The following SLC35F1 variants were observed in gnomAD, a reference collection of about 807,000 sequenced individuals.
SLC35F1 encodes chromosome 6 open reading frame 169.
A neutral mutation model predicts 48.7 loss-of-function variants in SLC35F1; 14 were observed. The observed-to-expected ratio is 0.29, with a 90% CI of 0.19 to 0.45. SLC35F1 has a LOEUF of 0.45. Among genes scored for constraint, SLC35F1 ranks in the 20% least tolerant of loss-of-function variants. SLC35F1 has a pLI of 1.00. For missense variants in SLC35F1, 404 were observed against 500.0 expected (o/e 0.81, Z 1.83); for synonymous variants, 190 against 202.2 (o/e 0.94, Z 0.51).
intron 1 of SLC35F1, among the ~76,000 whole-genome samples, chr6:118,093,046 G>A (rs1028073688): frequency 4.6e-4 from 70 of 152,222 alleles, no homozygotes; most frequent in African/African-American, 1.4e-3. Context: ...GGCCAGGCAC[G>A]GTGGCTCATG....
chr6:118,148,208 C>A (rs998753578), intron 1 of SLC35F1, among the ~76,000 whole-genome samples: 1 of 152,072 alleles, frequency 6.6e-6, no homozygotes, highest in Non-Finnish European at 1.5e-5. Flanking sequence ...ATGAAGATGT[C>A]GCCACAGAAA....
At chr6:118,046,329 A>G (rs976112578) in intron 1 of SLC35F1, among the ~76,000 whole-genome samples, 1 of 152,202 alleles carries the variant, frequency 6.6e-6, no homozygotes. Flanking sequence ...CCATAAAGCC[A>G]GTATCAGTTC....
At chr6:118,004,199 T>C (rs981965544) in intron 1 of SLC35F1, among the ~76,000 whole-genome samples, 4 of 152,234 alleles carry the variant, frequency 2.6e-5, no homozygotes, top group African/African-American at 9.6e-5. Flanking sequence ...AAGTTGATGA[T>C]TGCACAGGAT....
intron 2 of SLC35F1, among the ~76,000 whole-genome samples, chr6:118,163,849 C>A (rs1201585889): frequency 8.5e-5 from 13 of 152,208 alleles, no homozygotes; most frequent in Admixed American, 8.5e-4. Context: ...AATGGAAGAA[C>A]AAAGCAGTCC....
At chr6:118,141,494 A>G (rs1385662748) in intron 1 of SLC35F1, among the ~76,000 whole-genome samples, 2 of 152,178 alleles carry the variant, frequency 1.3e-5, no homozygotes, top group Non-Finnish European at 2.9e-5. Flanking sequence ...AAACAACAGA[A>G]ACCTATTTCT....
intron 7 of SLC35F1, among the ~76,000 whole-genome samples, chr6:118,306,017 C>A (rs1255867326): frequency 1.3e-5 from 2 of 152,106 alleles, no homozygotes; most frequent in African/African-American, 2.4e-5. Context: ...TAAGAGATGC[C>A]CTAAAGGACC....
chr6:117,944,621 A>ACACG (rs1315994770), intron 1 of SLC35F1, among the ~76,000 whole-genome samples: 1 of 151,796 alleles, frequency 6.6e-6, no homozygotes, highest in Admixed American at 6.6e-5. Flanking sequence ...ACACACACAC[A>ACACG]CAGAATATAT....
chr6:118,301,717 G>A (rs1044029245), intron 7 of SLC35F1, among the ~76,000 whole-genome samples: 1 of 152,192 alleles, frequency 6.6e-6, no homozygotes, highest in Non-Finnish European at 1.5e-5. Context: ...TTTCCATGAA[G>A]GGGCAGATTA....
At chr6:118,167,958 C>G (rs1391379149) in intron 2 of SLC35F1, among the ~76,000 whole-genome samples, 1 of 152,170 alleles carries the variant, frequency 6.6e-6, no homozygotes, top group Non-Finnish European at 1.5e-5. Context: ...CCAGTCCTGT[C>G]TTCCCCACTT....
At chr6:117,929,615 A>G (rs145789369) in intron 1 of SLC35F1, among the ~76,000 whole-genome samples, 2,471 of 152,062 alleles carry the variant, frequency 0.016, 30 homozygotes, top group Admixed American at 0.039. Context: ...CTGGGTTTCT[A>G]TGTTACAGTC....
At chr6:118,132,751 C>G (rs974476700) in intron 1 of SLC35F1, among the ~76,000 whole-genome samples, 3 of 152,186 alleles carry the variant, frequency 2.0e-5, no homozygotes, top group Non-Finnish European at 4.4e-5. Context: ...TGAGCAGTAT[C>G]TGGAAGATTC....
Position 118,315,034 on chromosome 6 carries a change from C to A in SLC35F1, c.*782C>A, listed in dbSNP as rs111515894. 6.5e-5 allele frequency: 10 copies of A among 152,684 alleles called. No homozygotes were observed. Among genetic ancestry groups the A allele is most frequent in the African/African-American group, 2.4e-4 (10 of 41,546 alleles). 9.5% of individuals were successfully genotyped at this position (152,684 alleles called of 1,614,324 possible). A position where few individuals can be genotyped will look rare whatever the true frequency, so the allele number is the denominator to read the frequency against. On this transcript the variant is annotated 3_prime_UTR_variant, in exon 8 of 8. Coordinates refer to ENST00000360388, the MANE Select transcript of SLC35F1 (RefSeq NM_001029858.4). ...CATTACTGTGGCTTTTGGGAGCCCC[C>A]AGAAATAATATCATTTGTGTTTAGG...
intron 2 of SLC35F1, among the ~76,000 whole-genome samples, chr6:118,174,999 A>T (rs1417331620): frequency 1.3e-5 from 2 of 152,118 alleles, no homozygotes; most frequent in Non-Finnish European, 2.9e-5. Context: ...CACAGCCAAG[A>T]TTGGAACCAG....
At chr6:117,923,738 T>TAC (rs1775966262) in intron 1 of SLC35F1, among the ~76,000 whole-genome samples, 2 of 90,272 alleles carry the variant, frequency 2.2e-5, no homozygotes, top group African/African-American at 3.6e-5. Flanking sequence ...TATGTATATA[T>TAC]ACATATATGT....
At chr6:118,087,556 T>C (rs1023980384) in intron 1 of SLC35F1, among the ~76,000 whole-genome samples, 1 of 152,080 alleles carries the variant, frequency 6.6e-6, no homozygotes, top group Non-Finnish European at 1.5e-5. Flanking sequence ...CAGCAAGTCA[T>C]TATGATTGTC....
chr6:118,286,597 A>G (rs1455791061), intron 7 of SLC35F1, among the ~76,000 whole-genome samples: 2 of 152,214 alleles, frequency 1.3e-5, no homozygotes, highest in East Asian at 3.8e-4. Flanking sequence ...GTGACAGCAG[A>G]CAGGAATAAA....
At chr6:118,298,673 C>G (rs907336770) in intron 7 of SLC35F1, among the ~76,000 whole-genome samples, 1 of 152,228 alleles carries the variant, frequency 6.6e-6, no homozygotes, top group African/African-American at 2.4e-5. Context: ...CTTCTTTCCT[C>G]TGAATGACTT....
intron 3 of SLC35F1, among the ~76,000 whole-genome samples, chr6:118,247,463 C>T (rs1775522508): frequency 6.6e-6 from 1 of 152,152 alleles, no homozygotes; most frequent in South Asian, 2.1e-4. Context: ...CATGTTTTCC[C>T]AGTACCAGGG....
At chr6:118,058,933 G>A (rs937175815) in intron 1 of SLC35F1, among the ~76,000 whole-genome samples, 4 of 152,022 alleles carry the variant, frequency 2.6e-5, no homozygotes, top group African/African-American at 9.7e-5. Flanking sequence ...ATTTTTTGTG[G>A]GGCTTTAAAA....
Sources: gnomAD v4.1 joint callset for allele counts (sites outside exome capture counted in the v4.1 genomes callset) on GRCh38, gnomAD v4.1.1 for gene constraint, MANE v1.5 for transcripts, NCBI Gene and HGNC (gene_info 2026-07-23, HGNC 2026-07-21) for gene names.